The following MRPL46 variants were observed in gnomAD, a reference collection of about 807,000 sequenced individuals.
The protein encoded by MRPL46 is mitochondrial ribosomal protein L46.
In MRPL46, 26 loss-of-function variants were observed where a neutral mutation model predicts 31.0. That is an observed-to-expected ratio of 0.84 (90% CI 0.61 to 1.16). The LOEUF (loss-of-function observed/expected upper bound fraction) is 1.16, where lower values mean the gene tolerates loss of function less well. Ranked by LOEUF, MRPL46 falls within the 50% of genes most tolerant of loss-of-function variation. MRPL46 has a pLI of 0.00. For missense variants in MRPL46, 395 were observed against 340.0 expected, an observed-to-expected ratio of 1.16 and a Z score of -1.27; for synonymous variants, 159 against 141.3, an observed-to-expected ratio of 1.13 and a Z score of -0.89.
intron 2 of MRPL46, 71 bp from the exon 3 acceptor site, chr15:88,464,947 A>C: frequency 6.6e-7 from 1 of 1,522,006 alleles, no homozygotes; most frequent in Non-Finnish European, 8.9e-7. Flanking sequence ...GGAGTTTTAC[A>C]ATCTTCCTTT....
At chr15:88,461,680 G>C (rs2055478756) in intron 3 of MRPL46, 1 of 152,206 alleles carries the variant, frequency 6.6e-6, no homozygotes. Flanking sequence ...TTGGCAAGAG[G>C]TGTCAACTTA....
At chr15:88,460,203 C>T (rs978679388) in intron 3 of MRPL46, 7 of 266,306 alleles carry the variant, frequency 2.6e-5, no homozygotes, top group African/African-American at 1.4e-4. Context: ...TCAGCCCAGT[C>T]GCTATGCTGG....
chr15:88,467,149 C>T lies in MRPL46; in HGVS notation c.228+1G>A. 1 of 1,613,466 alleles carries T rather than the reference C, an allele frequency of 6.2e-7. No homozygotes were observed. On this transcript the variant is annotated splice_donor_variant, in intron 1 of 3. Coordinates refer to ENST00000312475, the MANE Select transcript of MRPL46 (RefSeq NM_022163.4). LOFTEE classifies it high-confidence loss of function. ...CTCTGAACCCTGCATCTCAGTCCCA[C>T]CTGCTGCAGTAGAGACGCCATCTCT...
intron 1 of MRPL46, 21 bp from the exon 2 acceptor site, chr15:88,465,794 A>G (rs759076081): frequency 1.9e-6 from 3 of 1,557,812 alleles, no homozygotes; most frequent in Non-Finnish European, 2.6e-6. Context: ...TCAAAGGGCA[A>G]AAAACTACCT....
In MRPL46 at chr15:88,465,607, T is replaced by C; in HGVS notation, c.395A>G (p.Lys132Arg). 6 of 1,611,016 alleles carry C rather than the reference T, an allele frequency of 3.7e-6. No homozygotes were observed. The highest frequency in any genetic ancestry group is 1.3e-5 in the African/African-American group (1 of 74,738). ...ACAACCTGTTATGCGAGCTCCAAGTTTGAACTGTAGAAATTTCTGCTCCCA... is the reference window on the plus strand; with the variant it reads ...ACAACCTGTTATGCGAGCTCCAAGTCTGAACTGTAGAAATTTCTGCTCCCA... ...DMWEQKFLQF[K>R]LGARITEADE... The change falls in exon 2 of 4, where the codon AAA (lysine) becomes AGA (arginine). Residue 132 changes from lysine (K) to arginine (R), a missense_variant. By Grantham distance (26) the Lys-to-Arg change is conservative. Coordinates refer to ENST00000312475, the MANE Select transcript of MRPL46 (RefSeq NM_022163.4).
At chr15:88,460,642 T>C (rs2055470581) in intron 3 of MRPL46, 1 of 152,228 alleles carries the variant, frequency 6.6e-6, no homozygotes, top group South Asian at 2.1e-4. Context: ...ACCATATAGA[T>C]CAAAGATTTA....
At position 88,459,762 on chromosome 15, in the gene MRPL46, C is replaced by G; in HGVS notation, c.691G>C (p.Val231Leu). 1 of 1,614,178 alleles carries G rather than the reference C, an allele frequency of 6.2e-7. No homozygotes were observed. The change falls in exon 4 of 4, where the codon GTG becomes CTG. Residue 231 changes from valine (V) to leucine (L), a missense_variant. Val to Leu is a conservative substitution (Grantham distance 32). Transcript: ENST00000312475. ...MRTESNLGAKVFFFKALLLTG... is the reference protein window; with the variant it reads ...MRTESNLGAKLFFFKALLLTG... ...AATAGCAGTGCTTTGAAGAAGAACACCTTGGCTCCGAGGTTACTCTCTGTC... is the reference window on the plus strand; with the variant it reads ...AATAGCAGTGCTTTGAAGAAGAACAGCTTGGCTCCGAGGTTACTCTCTGTC...
Position 88,465,589 on chromosome 15 carries a change from G to A in MRPL46, c.413C>T (p.Thr138Ile). Residue 138 changes from threonine (T) to isoleucine (I), a missense_variant and splice_region_variant, in exon 2 of 4, where the codon ACA becomes ATA. By Grantham distance (89) the Thr-to-Ile change is moderately conservative (BLOSUM62 -1). Transcript: ENST00000312475. ...GGCTGGCCTAAAAGGATCACAACCT[G>A]TTATGCGAGCTCCAAGTTTGAACTG... ...FLQFKLGARI[T>I]EADEKNDRTS... The A allele has an allele frequency of 6.2e-7, 1 of 1,602,126 alleles. No individual in the cohort carries two copies.
chr15:88,465,536 A>G, intron 2 of MRPL46, 51 bp downstream of exon 2: 1 of 1,478,108 alleles, frequency 6.8e-7, no homozygotes, highest in Non-Finnish European at 9.0e-7. Context: ...TTATTTGGGA[A>G]TCCAAATACC....
Position 88,467,194 on chromosome 15 carries a change from G to A in MRPL46, c.184C>T (p.Pro62Ser), listed in dbSNP as rs201272217. 5.0e-5 allele frequency: 81 copies of A among 1,614,138 alleles called. 2 individuals are homozygous for A. In the South Asian group the frequency reaches 6.3e-4, roughly 12 times the overall value. Residue 62 changes from proline (P) to serine (S), a missense_variant, in exon 1 of 4, where the codon CCG becomes TCG. Physicochemically the swap from Pro to Ser is moderately conservative, Grantham distance 74 (BLOSUM62 -1). Transcript: ENST00000312475. Reference sequence around the variant, plus strand: ...ATCTCTTCCTGCAATGGGGTCAACGGCTTGGAGACTACAGGTGGCCGCTGC... The same window carrying A: ...ATCTCTTCCTGCAATGGGGTCAACGACTTGGAGACTACAGGTGGCCGCTGC... ...CLQRPPVVSKPLTPLQEEMAS... is the reference protein window; with the variant it reads ...CLQRPPVVSKSLTPLQEEMAS...
intron 3 of MRPL46, chr15:88,462,181 T>C (rs2055483494): frequency 6.6e-6 from 1 of 151,730 alleles, no homozygotes; most frequent in Non-Finnish European, 1.5e-5. Context: ...CTACCTAGCA[T>C]TAGATGAAAA....
intron 3 of MRPL46, chr15:88,464,427 A>G (rs1369164489): frequency 5.2e-6 from 2 of 381,866 alleles, no homozygotes; most frequent in East Asian, 1.3e-4. Flanking sequence ...TAAGAAGACA[A>G]GCAGGCTGAG....
At chr15:88,466,309 A>C (rs544880726) in intron 1 of MRPL46, among the ~76,000 whole-genome samples, 104 of 152,288 alleles carry the variant, frequency 6.8e-4, no homozygotes, top group African/African-American at 2.4e-3. Context: ...TAAAATCAAA[A>C]TGTGATGTAT....
chr15:88,465,646 T>C lies in MRPL46; in HGVS notation c.356A>G (p.Asp119Gly). ...EDEQDILLAQ[D>G]LEDMWEQKFL... Reference sequence around the variant, plus strand: ...TTTCTGCTCCCACATATCTTCCAAATCTTGCGCCAGCAATATATCCTGTTC... The same window carrying C: ...TTTCTGCTCCCACATATCTTCCAAACCTTGCGCCAGCAATATATCCTGTTC... Residue 119 changes from aspartate to glycine, a missense_variant, in exon 2 of 4, where the codon GAT becomes GGT. By Grantham distance (94) the Asp-to-Gly change is moderately conservative. Transcript: ENST00000312475. 1 of 1,613,270 alleles carries C rather than the reference T, an allele frequency of 6.2e-7. No individual in the cohort carries two copies. Among genetic ancestry groups the C allele is most frequent in the Non-Finnish European group, 8.5e-7 (1 of 1,179,832 alleles).
chr15:88,466,414 C>T (rs1268452813), intron 1 of MRPL46, among the ~76,000 whole-genome samples: 3 of 152,162 alleles, frequency 2.0e-5, no homozygotes, highest in Non-Finnish European at 4.4e-5. Context: ...TGACTGATCC[C>T]CTCACTCAAC....
chr15:88,466,678 G>A (rs1313553701), intron 1 of MRPL46, among the ~76,000 whole-genome samples: 1 of 152,186 alleles, frequency 6.6e-6, no homozygotes, highest in Non-Finnish European at 1.5e-5. Flanking sequence ...AACACTTTCT[G>A]TAGCGACCTC....
chr15:88,462,317 C>T (rs2055485131), intron 3 of MRPL46: 1 of 152,130 alleles, frequency 6.6e-6, no homozygotes, highest in Non-Finnish European at 1.5e-5. Context: ...CCCATAAATG[C>T]ATGTTACTTT....
chr15:88,467,029 G>A, intron 1 of MRPL46, 121 bp downstream of exon 1: 2 of 1,139,648 alleles, frequency 1.8e-6, no homozygotes, highest in South Asian at 1.5e-5. Flanking sequence ...ACCAAACCAA[G>A]TCAGTAAGGT....
rs764597330 is a variant in MRPL46, at chr15:88,467,171, C to G, written c.207G>C (p.Glu69Asp). ...VSKPLTPLQE[E>D]MASLLQQIEI... ...CCACCTGCTGCAGTAGAGACGCCAT[C>G]TCTTCCTGCAATGGGGTCAACGGCT... The change falls in exon 1 of 4, where the codon GAG becomes GAC. Residue 69 changes from glutamate to aspartate, a missense_variant. Physicochemically the swap from Glu to Asp is conservative, Grantham distance 45. Transcript: ENST00000312475. 5.6e-6 allele frequency: 9 copies of G among 1,613,960 alleles called. No homozygotes were observed. Among genetic ancestry groups the G allele is most frequent in the African/African-American group, 1.3e-5 (1 of 74,938 alleles).
Sources: gnomAD v4.1 joint callset for allele counts (sites outside exome capture counted in the v4.1 genomes callset) on GRCh38, gnomAD v4.1.1 for gene constraint, MANE v1.5 for transcripts, NCBI Gene and HGNC (gene_info 2026-07-23, HGNC 2026-07-21) for gene names.